The following PNLDC1 variants were observed in gnomAD, a reference collection of about 807,000 sequenced individuals.
PNLDC1 encodes PARN like ribonuclease domain containing exonuclease 1.
A neutral mutation model predicts 82.0 loss-of-function variants in PNLDC1; 70 were observed. The ratio of observed to expected loss-of-function variants is 0.85; its 90% confidence interval spans 0.70 to 1.04. PNLDC1 has a LOEUF of 1.04. PNLDC1 is among the 50% of genes least tolerant of loss of function. The pLI is 0.00. For synonymous variants in PNLDC1, 280 were observed against 249.3 expected (o/e 1.12, Z -1.16); for missense variants, 631 against 661.1 (o/e 0.95, Z 0.50).
chr6:159,809,712 AAC>A (rs1781580426), intron 9 of PNLDC1, among the ~76,000 whole-genome samples: 1 of 152,176 alleles, frequency 6.6e-6, no homozygotes, highest in Admixed American at 6.5e-5. Flanking sequence ...TCCTTTCCGT[AAC>A]ACAGGAATTT....
rs777171613 is a variant in PNLDC1 at position 159,804,046 on chromosome 6, C to T, written c.330C>T (p.Ser110=). The T allele has an allele frequency of 1.3e-5, 21 of 1,614,042 alleles. No individual in the cohort carries two copies. Among genetic ancestry groups the T allele is most frequent in the Non-Finnish European group, 1.8e-5 (21 of 1,180,022 alleles). The change falls in exon 5 of 19, where the codon TCC becomes TCT. Residue 110 remains serine (S), a synonymous_variant. Coordinates refer to ENST00000392167, the MANE Select transcript of PNLDC1 (RefSeq NM_001271862.2). ...ILDSEFSFQA[S]SVQFLNQYGF... ...ACTCAGAATTCTCCTTCCAGGCTTC[C>T]AGTGTTCAGTTTTTGAATCAGTATG...
chr6:159,818,606 T>A lies in PNLDC1; in HGVS notation c.1209T>A (p.Ala403=), dbSNP rs1363250962. The change falls in exon 16 of 19, where the codon GCT becomes GCA. Residue 403 remains alanine, a synonymous_variant. Transcript: ENST00000392167. The part of the protein sequence containing the change: ...SSFPQYLDVL[A]PYVNQVNLIR... ...TTCCTCAGTACCTTGACGTGCTGGC[T>A]CCTTACGTGAACCAAGTGAACCTCA... 6 of 1,613,898 alleles carry A rather than the reference T, an allele frequency of 3.7e-6. No individual in the cohort carries two copies. The South Asian group carries it at 6.6e-5, about 18-fold the overall frequency.
intron 2 of PNLDC1, 131 bp downstream of exon 2, chr6:159,800,960 CTTT>C (rs35619423): frequency 0.52 from 769,723 of 1,470,946 alleles, 206,265 homozygotes; most frequent in Admixed American, 0.6. Flanking sequence ...GAGGACCTTG[CTTT>C]TTTCTGTCCA....
In PNLDC1 at chr6:159,818,778, T is replaced by C. The variant is rs577873216; in HGVS notation, c.1257+124T>C. 4 of 1,216,210 alleles carry C rather than the reference T, an allele frequency of 3.3e-6. No individual in the cohort carries two copies. In the South Asian group the frequency reaches 5.6e-5, roughly 17 times the overall value. The allele number at this position is 1,216,210 out of a possible 1,614,324, so 75.3% of individuals were successfully genotyped here. A position where few individuals can be genotyped will look rare whatever the true frequency, so the allele number is the denominator to read the frequency against. On this transcript the variant is annotated intron_variant, in intron 16 of 18. Coordinates refer to ENST00000392167, the MANE Select transcript of PNLDC1 (RefSeq NM_001271862.2). The stretch of plus-strand genomic sequence containing the variant: ...TGGTCGGTGAGATGAGAGCTGGGTT[T>C]TTCTTTCCTCTCATGTTTCTCCACT...
chr6:159,806,855 C>CTTG (rs1781466056), intron 7 of PNLDC1, among the ~76,000 whole-genome samples: 1 of 148,142 alleles, frequency 6.8e-6, no homozygotes, highest in African/African-American at 2.5e-5. Context: ...AGGAAAAGTG[C>CTTG]TTGTGCAGTC....
At chr6:159,818,827 C>A in intron 16 of PNLDC1, 119 bp from the exon 17 acceptor site, 1 of 1,280,800 alleles carries the variant, frequency 7.8e-7, no homozygotes, top group Non-Finnish European at 1.1e-6. Flanking sequence ...ACTCATCCTT[C>A]CTTCTCTTCC....
At chr6:159,808,643 C>T (rs1781536886) in intron 7 of PNLDC1, 97 bp from the exon 8 acceptor site, 7 of 1,166,774 alleles carry the variant, frequency 6.0e-6, no homozygotes, top group Non-Finnish European at 7.5e-6. Context: ...TTCCACTTGA[C>T]CTTTCCATCT....
At chr6:159,813,468 C>A (rs1202073050) in intron 11 of PNLDC1, 133 bp from the exon 12 acceptor site, 2 of 763,892 alleles carry the variant, frequency 2.6e-6, no homozygotes, top group Non-Finnish European at 4.6e-6. Context: ...ATGGTTGCAC[C>A]ATTTGAAGAG....
chr6:159,802,437 G>A (rs771806519), intron 3 of PNLDC1, among the ~76,000 whole-genome samples: 83 of 152,054 alleles, frequency 5.5e-4, no homozygotes, highest in Non-Finnish European at 9.6e-4. Flanking sequence ...GATGCTGAAC[G>A]TGTGTGTGTT....
At position 159,811,812 on chromosome 6, in the gene PNLDC1, A is replaced by G. The variant is rs114286779; in HGVS notation, c.939+26A>G. 4.0e-5 allele frequency: 61 copies of G among 1,528,798 alleles called. No individual in the cohort carries two copies. In the African/African-American group the frequency reaches 7.9e-4, roughly 20 times the overall value. 94.7% of individuals were successfully genotyped at this position (1,528,798 alleles called of 1,614,324 possible). ...GTAATGAATAGAACTGCTTTGGGTTAAGAACTGCTTTTTCCATACCAGTAA... is the reference window on the plus strand; with the variant it reads ...GTAATGAATAGAACTGCTTTGGGTTGAGAACTGCTTTTTCCATACCAGTAA... On this transcript the variant is annotated intron_variant, in intron 11 of 18. Coordinates refer to ENST00000392167, the MANE Select transcript of PNLDC1 (RefSeq NM_001271862.2).
intron 4 of PNLDC1, 52 bp from the exon 5 acceptor site, chr6:159,803,913 A>T: frequency 6.4e-7 from 1 of 1,572,352 alleles, no homozygotes. Flanking sequence ...CCTGGGAGCC[A>T]GAGTTTTTTA....
intron 9 of PNLDC1, among the ~76,000 whole-genome samples, chr6:159,809,816 C>T (rs1365714801): frequency 1.3e-5 from 2 of 152,152 alleles, no homozygotes. Flanking sequence ...TACGTGCCTC[C>T]TACTTGTGAA....
intron 6 of PNLDC1, among the ~76,000 whole-genome samples, chr6:159,805,128 G>A (rs140816423): frequency 6.6e-6 from 1 of 152,302 alleles, no homozygotes; most frequent in Non-Finnish European, 1.5e-5. Context: ...GCCTGACCCT[G>A]CTCCCCTAGG....
At chr6:159,817,284 A>G (rs902817084) in intron 15 of PNLDC1, 133 bp downstream of exon 15, 2 of 871,964 alleles carry the variant, frequency 2.3e-6, no homozygotes, top group African/African-American at 3.3e-5. Context: ...ACTGGTATAG[A>G]AATCTTGTCC....
chr6:159,811,202 G>A (rs1781634048), intron 10 of PNLDC1, among the ~76,000 whole-genome samples: 1 of 152,278 alleles, frequency 6.6e-6, no homozygotes, highest in Non-Finnish European at 1.5e-5. Flanking sequence ...GAGATCACAG[G>A]GTTTTGTTTT....
intron 18 of PNLDC1, 85 bp from the exon 19 acceptor site, chr6:159,820,369 C>A: frequency 7.8e-7 from 1 of 1,287,492 alleles, no homozygotes; most frequent in Non-Finnish European, 1.1e-6. Context: ...GTGCACGGGG[C>A]TGGGAAGGAG....
chr6:159,804,430 C>T (rs967973146), intron 5 of PNLDC1, 119 bp from the exon 6 acceptor site: 5 of 721,610 alleles, frequency 6.9e-6, no homozygotes, highest in Middle Eastern at 2.4e-4. Flanking sequence ...GTGATCTAGA[C>T]GAACTGGCTT....
rs756958464 is a variant in PNLDC1, at chr6:159,819,211, C to T, written c.1434-43C>T. ...ACCCGCCTGATCACAGCAGGCGGCG[C>T]CATCCTGCTGCCTGGCTGACCACAG... On this transcript the variant is annotated intron_variant, in intron 17 of 18. Coordinates refer to ENST00000392167, the MANE Select transcript of PNLDC1 (RefSeq NM_001271862.2). The surrounding 1 kb of genome is among the most constrained non-coding windows in gnomAD (Gnocchi z 4.6). 7 of 1,611,270 alleles carry T rather than the reference C, an allele frequency of 4.3e-6. No homozygotes were observed. Among genetic ancestry groups the T allele is most frequent in the Non-Finnish European group, 5.9e-6 (7 of 1,178,142 alleles).
intron 12 of PNLDC1, among the ~76,000 whole-genome samples, chr6:159,814,220 C>G (rs1214729039): frequency 2.0e-5 from 3 of 152,254 alleles, no homozygotes; most frequent in Non-Finnish European, 2.9e-5. Context: ...AGCCGCCAGT[C>G]TGTCCCCAGT....
Sources: allele counts gnomAD v4.1 joint callset (sites outside exome capture counted in the v4.1 genomes callset), GRCh38; gene constraint gnomAD v4.1.1; non-coding constraint Gnocchi (gnomAD v3.1); transcripts MANE v1.5; gene names NCBI Gene and HGNC (gene_info 2026-07-23, HGNC 2026-07-21).